AR: variants seen among roughly 807,000 people sequenced by gnomAD.
AR encodes the protein dihydrotestosterone receptor.
In AR, 8 loss-of-function variants were observed where a neutral mutation model predicts 53.9. The ratio of observed to expected loss-of-function variants is 0.15; its 90% CI spans 0.09 to 0.27. The LOEUF (loss-of-function observed/expected upper bound fraction) is 0.27, where lower values mean the gene tolerates loss of function less well. AR is among the 10% of genes least tolerant of loss of function. The probability of loss-of-function intolerance (pLI) is 1.00; values close to 1 mark genes in which losing one functional copy is unlikely to be tolerated. For missense variants in AR, 639 were observed against 742.5 expected (o/e 0.86, Z 1.62); for synonymous variants, 359 against 316.4 (o/e 1.13, Z -1.43).
chrX:67,616,882 G>A (rs1924144964), intron 1 of AR, among the ~76,000 whole-genome samples: 1 of 111,209 alleles, frequency 9.0e-6, no homozygotes, highest in Admixed American at 9.6e-5. Context: ...TGAAGGCAAA[G>A]CGCCTGGTGC....
intron 2 of AR, among the ~76,000 whole-genome samples, chrX:67,678,376 G>A (rs1190692111): frequency 3.6e-5 from 4 of 112,087 alleles, no homozygotes; most frequent in African/African-American, 9.7e-5. Context: ...GCACATATAA[G>A]TGAGATCATG....
chrX:67,606,977 A>T (rs1393288392), intron 1 of AR, among the ~76,000 whole-genome samples: 2 of 111,994 alleles, frequency 1.8e-5, no homozygotes. Context: ...TATCTTCAAC[A>T]TGCATGACTA....
At chrX:67,624,250 A>G (rs143921320) in intron 1 of AR, among the ~76,000 whole-genome samples, 2 of 111,866 alleles carry the variant, frequency 1.8e-5, no homozygotes, top group East Asian at 5.6e-4. Flanking sequence ...ACCATACTGT[A>G]TGCCAAAAAA....
rs929458428 is a variant in AR, at chrX:67,705,415, A to G, written c.1886-5987A>G. ...TTTATTCTCTTAGAAGCAGTTGTGA[A>G]TGGGAGTTCACTCATGATTTGGCTT... is the stretch of plus-strand genomic sequence containing the variant. On this transcript the variant is annotated intron_variant, in intron 3 of 7. Transcript: ENST00000374690. Among the ~76,000 whole-genome samples the G allele has an allele frequency of 5.4e-5, 6 of 111,366 alleles. No individual in the cohort carries two copies. In the East Asian group the frequency reaches 1.7e-3, roughly 31 times the overall value.
At chrX:67,582,530 A>C (rs1922341776) in intron 1 of AR, among the ~76,000 whole-genome samples, 1 of 111,694 alleles carries the variant, frequency 9.0e-6, no homozygotes, top group Admixed American at 9.5e-5. Context: ...CCTTTGACTT[A>C]ATCTGTTTCA....
intron 4 of AR, among the ~76,000 whole-genome samples, chrX:67,717,013 T>C (rs1309567992): frequency 1.8e-5 from 2 of 111,801 alleles, no homozygotes; most frequent in African/African-American, 6.5e-5. Context: ...GAGATAATAA[T>C]AGTACTTACC....
chrX:67,630,254 T>C (rs1924998994), intron 1 of AR, among the ~76,000 whole-genome samples: 1 of 111,125 alleles, frequency 9.0e-6, no homozygotes, highest in African/African-American at 3.3e-5. Flanking sequence ...AGTCTCCCAT[T>C]ATTAATGTGT....
At chrX:67,691,875 A>G (rs2075997198) in intron 3 of AR, among the ~76,000 whole-genome samples, 1 of 112,178 alleles carries the variant, frequency 8.9e-6, no homozygotes, top group South Asian at 3.7e-4. Flanking sequence ...AGGCCAAAGC[A>G]TGGTTATTGC....
At position 67,724,718 on chromosome X, in the gene AR, C is replaced by A. The variant is rs763636864; in HGVS notation, c.*877C>A. ...TTTGTCTGCATGTTAATGCCTCACCCCCAAACCCTTTTCTCTCTCACTCTC... is the reference window on the plus strand; with the variant it reads ...TTTGTCTGCATGTTAATGCCTCACCACCAAACCCTTTTCTCTCTCACTCTC... On this transcript the variant is annotated 3_prime_UTR_variant, in exon 8 of 8. Coordinates refer to ENST00000374690, the MANE Select transcript of AR (RefSeq NM_000044.6). 5.8e-5 allele frequency: 10 copies of A among 173,743 alleles called. No individual in the cohort carries two copies. The highest frequency in any genetic ancestry group is 8.7e-5 in the Non-Finnish European group (8 of 91,527). 14.3% of individuals were successfully genotyped at this position (173,743 alleles called of 1,213,427 possible). A position where few individuals can be genotyped will look rare whatever the true frequency, so the allele number is the denominator to read the frequency against.
At position 67,727,540 on chromosome X, in the gene AR, T is replaced by C. The variant is rs2076162741; in HGVS notation, c.*3699T>C. On this transcript the variant is annotated 3_prime_UTR_variant, in exon 8 of 8. Transcript: ENST00000374690. Reference sequence around the variant, plus strand: ...GAGCTAACATTGAGCTTCAAGTAGCTTCTAAGTGTTTGTTTCATTAGGCAC... The same window carrying C: ...GAGCTAACATTGAGCTTCAAGTAGCCTCTAAGTGTTTGTTTCATTAGGCAC... The C allele has an allele frequency of 5.8e-6, 1 of 172,359 alleles. No individual in the cohort carries two copies. Among genetic ancestry groups the C allele is most frequent in the South Asian group, 3.1e-4 (1 of 3,246 alleles). 14.2% of individuals were successfully genotyped at this position (172,359 alleles called of 1,213,427 possible).
chrX:67,717,442 C>A (rs762645283), intron 4 of AR, 36 bp from the exon 5 acceptor site: 2 of 1,209,217 alleles, frequency 1.7e-6, no homozygotes, highest in East Asian at 5.9e-5. Flanking sequence ...CCGTCAGTAC[C>A]CAGACTGACC....
At chrX:67,637,002 C>T (rs867709524) in intron 1 of AR, among the ~76,000 whole-genome samples, 81 of 111,509 alleles carry the variant, frequency 7.3e-4, no homozygotes, top group African/African-American at 2.1e-3. Flanking sequence ...AATATTTTGT[C>T]TTTCATTGAT....
rs2147319715 is a variant in AR, at chrX:67,546,176, A to T, written c.1030A>T (p.Thr344Ser). ...GSSGTLELPS[T>S]LSLYKSGALD... ...CTCCGGGACACTTGAACTGCCGTCTACCCTGTCTCTCTACAAGTCCGGAGC... is the reference window on the plus strand; with the variant it reads ...CTCCGGGACACTTGAACTGCCGTCTTCCCTGTCTCTCTACAAGTCCGGAGC... Residue 344 changes from threonine (T) to serine (S), a missense_variant, in exon 1 of 8, where the codon ACC (threonine) becomes TCC (serine). Coordinates refer to ENST00000374690, the MANE Select transcript of AR (RefSeq NM_000044.6). 1 of 1,211,912 alleles carries T rather than the reference A, an allele frequency of 8.3e-7. No homozygotes were observed. Among genetic ancestry groups the T allele is most frequent in the Non-Finnish European group, 1.1e-6 (1 of 895,544 alleles).
intron 4 of AR, among the ~76,000 whole-genome samples, chrX:67,713,953 A>G (rs1391198618): frequency 8.9e-6 from 1 of 112,464 alleles, no homozygotes; most frequent in Non-Finnish European, 1.9e-5. Context: ...ATAATTACCT[A>G]CAAGTACAAG....
intron 2 of AR, among the ~76,000 whole-genome samples, chrX:67,652,598 T>C (rs1926396507): frequency 8.9e-6 from 1 of 111,746 alleles, no homozygotes; most frequent in South Asian, 3.8e-4. Context: ...CATTTCTAGT[T>C]TTCTGTCTGA....
chrX:67,547,661 T>A (rs1042880509), intron 1 of AR, among the ~76,000 whole-genome samples: 1 of 112,342 alleles, frequency 8.9e-6, no homozygotes, highest in Non-Finnish European at 1.9e-5. Flanking sequence ...TGGAAAACAT[T>A]TTTTTGTAAA....
rs1253632484 is a variant in AR, at chrX:67,730,457, G to A, written c.*6616G>A. 1 of 172,510 alleles carries A rather than the reference G, an allele frequency of 5.8e-6. No individual in the cohort carries two copies. The highest frequency in any genetic ancestry group is 3.0e-5 in the African/African-American group (1 of 33,838). The allele number at this position is 172,510 out of a possible 1,213,427, so 14.2% of individuals were successfully genotyped here. ...TCTGCTTTCAGAAATGTCATCCATTGTGTAAAATATTGGCTTACTGGTCTG... is the reference window on the plus strand; with the variant it reads ...TCTGCTTTCAGAAATGTCATCCATTATGTAAAATATTGGCTTACTGGTCTG... On this transcript the variant is annotated 3_prime_UTR_variant, in exon 8 of 8. Coordinates refer to ENST00000374690, the MANE Select transcript of AR (RefSeq NM_000044.6).
intron 3 of AR, among the ~76,000 whole-genome samples, chrX:67,704,209 A>G (rs978401751): frequency 6.3e-5 from 7 of 111,988 alleles, no homozygotes; most frequent in Non-Finnish European, 1.3e-4. Flanking sequence ...TAGATCCCTG[A>G]GGAATCACCA....
At chrX:67,608,798 G>T (rs1418554753) in intron 1 of AR, among the ~76,000 whole-genome samples, 1 of 111,031 alleles carries the variant, frequency 9.0e-6, no homozygotes, top group South Asian at 3.7e-4. Context: ...TTTATATATT[G>T]TTTATATTAA....
Sources: gnomAD v4.1 joint callset for allele counts (sites outside exome capture counted in the v4.1 genomes callset) on GRCh38, gnomAD v4.1.1 for gene constraint, MANE v1.5 for transcripts, NCBI Gene and HGNC (gene_info 2026-07-23, HGNC 2026-07-21) for gene names.